The following MARK2 variants were observed in gnomAD, a reference collection of about 807,000 sequenced individuals.
MARK2 encodes the protein serine/threonine-protein kinase MARK2.
MARK2 carries 16 observed loss-of-function variants against 89.8 expected under a neutral mutation model. That is an observed-to-expected ratio of 0.18 (90% CI 0.12 to 0.27). The LOEUF (loss-of-function observed/expected upper bound fraction) is 0.27, where lower values mean the gene tolerates loss of function less well. MARK2 is among the 10% of genes least tolerant of loss of function. The pLI, the probability that MARK2 is intolerant of heterozygous loss-of-function variation, is 1.00. For synonymous variants in MARK2, 382 were observed against 399.5 expected (o/e 0.96, Z 0.52); for missense variants, 621 against 1,049.9 (o/e 0.59, Z 5.65).
In MARK2 at chr11:63,902,999, G is replaced by T; in HGVS notation, c.1417-62G>T. On this transcript the variant is annotated intron_variant, in intron 13 of 18. Transcript: ENST00000402010. The surrounding 1 kb of genome is among the most constrained non-coding windows in gnomAD (Gnocchi z 4.2). ...GAAGCCTGTTCCATGAACCTGGGGG[G>T]AGAACCTGGCTGTAGACCACTTTGG... 1 of 1,417,354 alleles carries T rather than the reference G, an allele frequency of 7.1e-7. No individual in the cohort carries two copies. The highest frequency in any genetic ancestry group is 1.1e-5 in the South Asian group (1 of 86,970). 87.8% of individuals were successfully genotyped at this position (1,417,354 alleles called of 1,614,324 possible).
chr11:63,878,527 G>A lies in MARK2; in HGVS notation c.55-16632G>A, dbSNP rs928409309. Among the ~76,000 whole-genome samples the A allele has an allele frequency of 5.1e-4, 78 of 151,762 alleles. 1 individual carries two copies. The highest frequency in any genetic ancestry group is 1.8e-3 in the African/African-American group (74 of 41,358). ...TGAGACTACAGGTGCCCACCACCAC[G>A]CCCGGCTAATTTTTTGTTTTTTTAG... On this transcript the variant is annotated intron_variant, in intron 1 of 18. Transcript: ENST00000402010.
At chr11:63,846,741 C>T (rs1466196447) in intron 1 of MARK2, among the ~76,000 whole-genome samples, 1 of 151,832 alleles carries the variant, frequency 6.6e-6, no homozygotes, top group African/African-American at 2.4e-5. Flanking sequence ...CTGCAAGGTC[C>T]GCCTCCCGGA....
chr11:63,858,292 G>A (rs922720097), intron 1 of MARK2, among the ~76,000 whole-genome samples: 10 of 151,448 alleles, frequency 6.6e-5, no homozygotes, highest in African/African-American at 1.5e-4. Context: ...CTAGGATTAC[G>A]GGCATGAGCC....
rs1941104623 is a variant in MARK2 at position 63,903,916 on chromosome 11, G to A, written c.1515-70G>A. 1 of 1,379,782 alleles carries A rather than the reference G, an allele frequency of 7.2e-7. No homozygotes were observed. The highest frequency in any genetic ancestry group is 2.4e-5 in the East Asian group (1 of 41,198). The allele number at this position is 1,379,782 out of a possible 1,614,324, so 85.5% of individuals were successfully genotyped here. A position where few individuals can be genotyped will look rare whatever the true frequency, so the allele number is the denominator to read the frequency against. The stretch of plus-strand genomic sequence containing the variant: ...CAGCTCTGGCCCTTCCCCTGCCCTT[G>A]CTTCCTAATCCAGGCCTCCCGCCCT... On this transcript the variant is annotated intron_variant, in intron 14 of 18. Transcript: ENST00000402010. This position sits in a 1 kb window ranked among gnomAD's most constrained non-coding sequence, Gnocchi z 5.1.
At chr11:63,866,799 G>A (rs1023250065) in intron 1 of MARK2, among the ~76,000 whole-genome samples, 2 of 152,170 alleles carry the variant, frequency 1.3e-5, no homozygotes, top group Non-Finnish European at 2.9e-5. Flanking sequence ...TAAGATAGGA[G>A]AACTAGATTC....
At chr11:63,905,566 C>T (rs901378036) in intron 16 of MARK2, among the ~76,000 whole-genome samples, 2 of 152,198 alleles carry the variant, frequency 1.3e-5, no homozygotes, top group Admixed American at 1.3e-4. Flanking sequence ...AAATCACTGG[C>T]GAGGGCCTAC....
Position 63,885,193 on chromosome 11 carries a change from A to AAAAT in MARK2, c.55-9952_55-9949dup, listed in dbSNP as rs753652940. 1.1e-4 allele frequency among the ~76,000 whole-genome samples: 16 copies of AAAAT among 151,638 alleles called. No homozygotes were observed. In the South Asian group the frequency reaches 2.7e-3, roughly 26 times the overall value. On this transcript the variant is annotated intron_variant, in intron 1 of 18. Coordinates refer to ENST00000402010, the MANE Select transcript of MARK2 (RefSeq NM_001039469.3). ...GGGCAACAGAGCAAGACCCTGTTTA[A>AAAAT]AAATAAATAAATAAATAGGGACTTG...
At chr11:63,895,427 T>A in intron 2 of MARK2, 89 bp downstream of exon 2, 1 of 1,482,096 alleles carries the variant, frequency 6.7e-7, no homozygotes. Context: ...GCAGCCAACC[T>A]CTTGTTTATC....
At chr11:63,888,965 G>A (rs756539364) in intron 1 of MARK2, 5 of 1,351,516 alleles carry the variant, frequency 3.7e-6, no homozygotes, top group Non-Finnish European at 4.9e-6. Flanking sequence ...CTCCAGTCGG[G>A]TATGTTGTCC....
rs1414546790 is a variant in MARK2, at chr11:63,890,349, C to T, written c.55-4810C>T. On this transcript the variant is annotated intron_variant, in intron 1 of 18. Transcript: ENST00000402010. ...AGTCCTCTGAGTTGGATGGTTCAGT[C>T]CCGAAAAGGGGGTTGGTGACTTTGG... 5 of 1,135,674 alleles carry T rather than the reference C, an allele frequency of 4.4e-6. No individual in the cohort carries two copies. The Admixed American group carries it at 8.7e-5, about 20-fold the overall frequency. 70.3% of individuals were successfully genotyped at this position (1,135,674 alleles called of 1,614,324 possible).
intron 1 of MARK2, among the ~76,000 whole-genome samples, chr11:63,889,606 G>C (rs1474490069): frequency 6.6e-6 from 1 of 152,270 alleles, no homozygotes. Context: ...GAAGGGGCCT[G>C]ACAGGCCCAG....
At chr11:63,883,786 C>T (rs113470180) in intron 1 of MARK2, among the ~76,000 whole-genome samples, 2 of 152,192 alleles carry the variant, frequency 1.3e-5, no homozygotes, top group African/African-American at 4.8e-5. Flanking sequence ...TGTGTTTTGC[C>T]ATGTTGCCCA....
At chr11:63,905,961 C>A in intron 16 of MARK2, 127 bp from the exon 17 acceptor site, 1 of 690,260 alleles carries the variant, frequency 1.4e-6, no homozygotes, top group Non-Finnish European at 2.1e-6. Flanking sequence ...CTGAGCGGCT[C>A]TTCCGAAAAT....
At chr11:63,874,144 T>C (rs1470200129) in intron 1 of MARK2, among the ~76,000 whole-genome samples, 3 of 152,332 alleles carry the variant, frequency 2.0e-5, no homozygotes, top group Non-Finnish European at 2.9e-5. Context: ...GCGACTGTTA[T>C]TGTCAGGTTG....
At chr11:63,847,870 G>A (rs928829185) in intron 1 of MARK2, among the ~76,000 whole-genome samples, 7 of 152,318 alleles carry the variant, frequency 4.6e-5, no homozygotes, top group Admixed American at 2.0e-4. Context: ...CTCATTTATG[G>A]GTCTGGGAGG....
chr11:63,872,661 G>A (rs1259532728), intron 1 of MARK2, among the ~76,000 whole-genome samples: 1 of 152,050 alleles, frequency 6.6e-6, no homozygotes, highest in African/African-American at 2.4e-5. Context: ...CTTGGCAGGG[G>A]ACCAACCCGC....
Position 63,857,470 on chromosome 11 carries a change from C to T in MARK2, c.54+17910C>T, listed in dbSNP as rs566224802. On this transcript the variant is annotated intron_variant, in intron 1 of 18. Coordinates refer to ENST00000402010, the MANE Select transcript of MARK2 (RefSeq NM_001039469.3). ...TGCTGGGATTACAGGCATGAGCCACCGCCCCAGCCTGTTTTTTGGTCAGCT... is the reference window on the plus strand; with the variant it reads ...TGCTGGGATTACAGGCATGAGCCACTGCCCCAGCCTGTTTTTTGGTCAGCT... 4.6e-5 allele frequency among the ~76,000 whole-genome samples: 7 copies of T among 152,216 alleles called. No homozygotes were observed. In the South Asian group the frequency reaches 1.0e-3, roughly 23 times the overall value.
intron 1 of MARK2, among the ~76,000 whole-genome samples, chr11:63,875,771 G>T (rs925547932): frequency 6.6e-6 from 1 of 152,208 alleles, no homozygotes; most frequent in African/African-American, 2.4e-5. Flanking sequence ...TGGCGATGGG[G>T]GCCTGGCCGC....
At chr11:63,868,686 C>G (rs1938269890) in intron 1 of MARK2, 1 of 443,536 alleles carries the variant, frequency 2.3e-6, no homozygotes, top group Non-Finnish European at 4.6e-6. Context: ...GTCCTTGCCC[C>G]TGACACCAAC....
Sources: allele counts gnomAD v4.1 joint callset (sites outside exome capture counted in the v4.1 genomes callset), GRCh38; gene constraint gnomAD v4.1.1; non-coding constraint Gnocchi (gnomAD v3.1); transcripts MANE v1.5; gene names NCBI Gene and HGNC (gene_info 2026-07-23, HGNC 2026-07-21).